NEK10: variants seen among roughly 807,000 people sequenced by gnomAD.
NEK10 encodes NIMA related kinase 10.
NEK10 carries 122 observed loss-of-function variants against 159.8 expected under a neutral mutation model. The ratio of observed to expected loss-of-function variants is 0.76; its 90% CI spans 0.66 to 0.89. NEK10 has a LOEUF of 0.89. Among genes scored for constraint, NEK10 ranks in the 40% least tolerant of loss-of-function variants. The pLI is 0.00. For synonymous variants in NEK10, 466 were observed against 457.1 expected (o/e 1.02, Z -0.25); for missense variants, 1,342 against 1,323.1 (o/e 1.01, Z -0.22).
rs909484360 is a variant in NEK10, at chr3:27,108,134, T to C, written c.*3138A>G. On this transcript the variant is annotated 3_prime_UTR_variant, in exon 36 of 36. Coordinates refer to ENST00000691995, the MANE Select transcript of NEK10 (RefSeq NM_001394966.1). ...TTTAATGAGTCATAGATGATACTTA[T>C]AGGAAGACCTAACTCTTAATCAATT... is the stretch of plus-strand genomic sequence containing the variant. Among the ~76,000 whole-genome samples the C allele has an allele frequency of 6.6e-6, 1 of 152,220 alleles. No individual in the cohort carries two copies. Among genetic ancestry groups the C allele is most frequent in the Admixed American group, 6.5e-5 (1 of 15,284 alleles).
At chr3:27,345,990 C>G in intron 4 of NEK10, 96 bp downstream of exon 4, 1 of 1,158,202 alleles carries the variant, frequency 8.6e-7, no homozygotes, top group Non-Finnish European at 1.2e-6. Context: ...AATTTTGAAG[C>G]GGGTTTTAAA....
chr3:27,164,422 A>C (rs1946297302), intron 29 of NEK10, among the ~76,000 whole-genome samples: 1 of 152,258 alleles, frequency 6.6e-6, no homozygotes, highest in African/African-American at 2.4e-5. Flanking sequence ...TAAGCATCAA[A>C]CATAATTTTA....
rs754409501 is a variant in NEK10 at position 27,293,555 on chromosome 3, C to G, written c.1373+33G>C. 7.7e-6 allele frequency: 9 copies of G among 1,171,978 alleles called. No individual in the cohort carries two copies. The East Asian group carries it at 1.9e-4, about 25-fold the overall frequency. 72.6% of individuals were successfully genotyped at this position (1,171,978 alleles called of 1,614,324 possible). ...AGTTCAATCTAATGATCTCCTAAAC[C>G]TAATGATCACTTATATTTCTCTAAC... On this transcript the variant is annotated intron_variant, in intron 16 of 35. Coordinates refer to ENST00000691995, the MANE Select transcript of NEK10 (RefSeq NM_001394966.1).
At chr3:27,278,973 C>T in intron 22 of NEK10, 1 of 961,972 alleles carries the variant, frequency 1.0e-6, no homozygotes, top group East Asian at 1.2e-4. Context: ...GAGAACAAGA[C>T]CTGAACATGT....
chr3:27,138,024 A>G (rs1943394630), intron 31 of NEK10, among the ~76,000 whole-genome samples: 1 of 152,170 alleles, frequency 6.6e-6, no homozygotes, highest in Non-Finnish European at 1.5e-5. Flanking sequence ...GCTAAGCTCT[A>G]TCAGAAGAGA....
chr3:27,148,309 T>C (rs1237576323), intron 30 of NEK10, among the ~76,000 whole-genome samples: 1 of 152,184 alleles, frequency 6.6e-6, no homozygotes, highest in Non-Finnish European at 1.5e-5. Context: ...TGATTAATAC[T>C]CCCTTATGGT....
intron 35 of NEK10, among the ~76,000 whole-genome samples, chr3:27,113,246 C>T (rs1939834905): frequency 6.6e-6 from 1 of 151,902 alleles, no homozygotes; most frequent in African/African-American, 2.4e-5. Context: ...GCCTGGCCAA[C>T]ATGAAGAAAC....
At chr3:27,198,800 G>A (rs1392203833) in intron 25 of NEK10, among the ~76,000 whole-genome samples, 1 of 152,078 alleles carries the variant, frequency 6.6e-6, no homozygotes, top group East Asian at 1.9e-4. Flanking sequence ...GGCCAGGTGC[G>A]GTGACTCACG....
intron 19 of NEK10, among the ~76,000 whole-genome samples, chr3:27,288,292 C>T (rs2042761431): frequency 6.6e-6 from 1 of 152,198 alleles, no homozygotes; most frequent in Admixed American, 6.5e-5. Flanking sequence ...TTGACAAGGA[C>T]TTCCTACTTA....
At chr3:27,210,500 C>T (rs1427441095) in intron 23 of NEK10, among the ~76,000 whole-genome samples, 3 of 152,150 alleles carry the variant, frequency 2.0e-5, no homozygotes, top group Admixed American at 1.3e-4. Flanking sequence ...ATGGAACAAA[C>T]TTTCAAACCA....
chr3:27,172,953 G>T (rs1947151838), intron 28 of NEK10, among the ~76,000 whole-genome samples: 1 of 152,138 alleles, frequency 6.6e-6, no homozygotes, highest in Non-Finnish European at 1.5e-5. Flanking sequence ...TGCTGCCATT[G>T]TAGCATGAAA....
chr3:27,199,814 T>C (rs997837649), intron 25 of NEK10, among the ~76,000 whole-genome samples: 13 of 152,178 alleles, frequency 8.5e-5, no homozygotes, highest in African/African-American at 3.1e-4. Flanking sequence ...TGTAGGAACA[T>C]GGCTGGAGCT....
intron 23 of NEK10, among the ~76,000 whole-genome samples, chr3:27,249,108 G>A (rs931472132): frequency 2.0e-5 from 3 of 152,192 alleles, no homozygotes; most frequent in African/African-American, 7.2e-5. Context: ...TCTCATGATA[G>A]TGAATTCTCA....
chr3:27,122,128 T>C lies in NEK10; in HGVS notation c.3082-2260A>G, dbSNP rs189247345. 2.7e-3 allele frequency among the ~76,000 whole-genome samples: 412 copies of C among 152,220 alleles called. 4 individuals are homozygous for C. Among genetic ancestry groups the C allele is most frequent in the African/African-American group, 9.5e-3 (395 of 41,530 alleles). ...CAGTGATAACTGATAACTGAGGTAA[T>C]TGGATCATGGGGGTGGTTTCCCCCA... On this transcript the variant is annotated intron_variant, in intron 32 of 35. Coordinates refer to ENST00000691995, the MANE Select transcript of NEK10 (RefSeq NM_001394966.1).
intron 35 of NEK10, among the ~76,000 whole-genome samples, chr3:27,112,251 C>G (rs1043455962): frequency 6.6e-6 from 1 of 152,188 alleles, no homozygotes; most frequent in African/African-American, 2.4e-5. Context: ...GACTTTCAGT[C>G]TGAAAATGGC....
chr3:27,128,189 T>C (rs992891398), intron 32 of NEK10, among the ~76,000 whole-genome samples: 1 of 152,148 alleles, frequency 6.6e-6, no homozygotes, highest in African/African-American at 2.4e-5. Context: ...ACCTCTGCAG[T>C]TGCGTTCCAA....
intron 32 of NEK10, among the ~76,000 whole-genome samples, chr3:27,120,576 C>G (rs1230370663): frequency 6.6e-6 from 1 of 151,994 alleles, no homozygotes; most frequent in Non-Finnish European, 1.5e-5. Context: ...CTGATCCACC[C>G]ACCTTGGCCT....
At chr3:27,333,038 C>T (rs2046538258) in intron 5 of NEK10, among the ~76,000 whole-genome samples, 1 of 152,150 alleles carries the variant, frequency 6.6e-6, no homozygotes, top group African/African-American at 2.4e-5. Flanking sequence ...GATAATTATG[C>T]TTCAAATAGG....
At chr3:27,284,516 A>G in intron 22 of NEK10, 86 bp downstream of exon 22, 1 of 758,260 alleles carries the variant, frequency 1.3e-6, no homozygotes, top group Non-Finnish European at 2.3e-6. Flanking sequence ...CATTCCCATG[A>G]GTGCCAAAAG....
Sources: gnomAD v4.1 joint callset for allele counts (sites outside exome capture counted in the v4.1 genomes callset) on GRCh38, gnomAD v4.1.1 for gene constraint, MANE v1.5 for transcripts, NCBI Gene and HGNC (gene_info 2026-07-23, HGNC 2026-07-21) for gene names.